Variants in FOXN3 observed in about 807,000 individuals in gnomAD.
FOXN3 encodes forkhead box N3.
A neutral mutation model predicts 38.4 loss-of-function variants in FOXN3; 7 were observed. That is an observed-to-expected ratio of 0.18 (90% CI 0.10 to 0.34). The LOEUF (loss-of-function observed/expected upper bound fraction) is 0.34, where lower values mean the gene tolerates loss of function less well. FOXN3 is among the 10% of genes least tolerant of loss of function. FOXN3 has a pLI of 1.00. For synonymous variants in FOXN3, 230 were observed against 242.2 expected, an observed-to-expected ratio of 0.95 and a Z score of 0.47; for missense variants, 456 against 613.4, an observed-to-expected ratio of 0.74 and a Z score of 2.71.
At chr14:89,348,599 C>T (rs1024894987) in intron 3 of FOXN3, among the ~76,000 whole-genome samples, 5 of 152,174 alleles carry the variant, frequency 3.3e-5, no homozygotes, top group South Asian at 2.1e-4. Flanking sequence ...CTCCCTCCAC[C>T]GCCAGTGACC....
At chr14:89,573,179 C>A (rs1286982487) in intron 1 of FOXN3, among the ~76,000 whole-genome samples, 1 of 152,106 alleles carries the variant, frequency 6.6e-6, no homozygotes, top group African/African-American at 2.4e-5. Flanking sequence ...GTGATCCAGC[C>A]CCGATTAGAT....
At chr14:89,254,091 T>C (rs971044571) in intron 4 of FOXN3, among the ~76,000 whole-genome samples, 3 of 152,302 alleles carry the variant, frequency 2.0e-5, no homozygotes, top group Non-Finnish European at 4.4e-5. Flanking sequence ...CAACATGACA[T>C]GGAGCAGGTA....
chr14:89,314,727 G>A (rs1221784066), intron 3 of FOXN3, among the ~76,000 whole-genome samples: 3 of 152,182 alleles, frequency 2.0e-5, no homozygotes, highest in East Asian at 3.9e-4. Flanking sequence ...ACAGGGTGGT[G>A]TGGAGCTCTG....
chr14:89,520,014 T>C, intron 1 of FOXN3, among the ~76,000 whole-genome samples: 1 of 144,164 alleles, frequency 6.9e-6, no homozygotes, highest in Non-Finnish European at 1.5e-5. Flanking sequence ...TTTTTCTTTT[T>C]TTCTTTTTTT....
At chr14:89,600,992 G>A (rs1453228702) in intron 1 of FOXN3, among the ~76,000 whole-genome samples, 1 of 151,998 alleles carries the variant, frequency 6.6e-6, no homozygotes, top group Non-Finnish European at 1.5e-5. Flanking sequence ...ATAAGTAAAG[G>A]GCTTGCTCTG....
At chr14:89,380,384 T>C (rs764178644) in intron 2 of FOXN3, among the ~76,000 whole-genome samples, 1 of 152,196 alleles carries the variant, frequency 6.6e-6, no homozygotes. Context: ...ATGTCTTTAT[T>C]TGCAGTGTGA....
intron 1 of FOXN3, chr14:89,577,413 A>C (rs889148654): frequency 6.6e-6 from 1 of 152,188 alleles, no homozygotes; most frequent in African/African-American, 2.4e-5. Context: ...GGAAAACCCC[A>C]AAAAGACCAG....
chr14:89,294,541 G>C (rs1022127673), intron 3 of FOXN3, among the ~76,000 whole-genome samples: 1 of 152,158 alleles, frequency 6.6e-6, no homozygotes, highest in African/African-American at 2.4e-5. Context: ...GATGGTGAAG[G>C]CATTCTAAGT....
intron 4 of FOXN3, among the ~76,000 whole-genome samples, chr14:89,218,170 C>A (rs750954294): frequency 2.1e-4 from 32 of 152,326 alleles, no homozygotes; most frequent in Middle Eastern, 3.4e-3. Flanking sequence ...CATGCCTGCA[C>A]CTATCTGTGT....
At chr14:89,262,008 G>A (rs1361329545) in intron 4 of FOXN3, among the ~76,000 whole-genome samples, 1 of 152,172 alleles carries the variant, frequency 6.6e-6, no homozygotes, top group Non-Finnish European at 1.5e-5. Context: ...GAAGGCTGAG[G>A]CAAGAGAATT....
intron 3 of FOXN3, among the ~76,000 whole-genome samples, chr14:89,303,820 A>G (rs75373775): frequency 0.063 from 9,602 of 152,326 alleles, 425 homozygotes; most frequent in Non-Finnish European, 0.081. Flanking sequence ...GGACAGTCCT[A>G]TAATTCACTA....
chr14:89,412,171 G>T lies in FOXN3; in HGVS notation c.306C>A (p.Asp102Glu). The change falls in exon 2 of 6, where the codon GAC (aspartate) becomes GAA (glutamate). Residue 102 changes from aspartate to glutamate, a missense_variant. Physicochemically the swap from Asp to Glu is conservative, Grantham distance 45. Transcript: ENST00000557258. The surrounding 1 kb of genome is among the most constrained non-coding windows in gnomAD (Gnocchi z 4.7). ...DDTPPSPAHSDMPYDARQNPN... is the reference protein window; with the variant it reads ...DDTPPSPAHSEMPYDARQNPN... Reference sequence around the variant, plus strand: ...GGTTCTGCCTGGCATCGTAGGGCATGTCAGAGTGGGCAGGGGATGGGGGGG... The same window carrying T: ...GGTTCTGCCTGGCATCGTAGGGCATTTCAGAGTGGGCAGGGGATGGGGGGG... The T allele has an allele frequency of 6.2e-7, 1 of 1,612,422 alleles. No individual in the cohort carries two copies. The highest frequency in any genetic ancestry group is 1.1e-5 in the South Asian group (1 of 90,998).
intron 3 of FOXN3, among the ~76,000 whole-genome samples, chr14:89,295,014 G>A (rs1169568785): frequency 2.6e-5 from 4 of 152,130 alleles, no homozygotes; most frequent in South Asian, 2.1e-4. Context: ...AGGGCAGGGT[G>A]AGAGCCAATC....
At chr14:89,383,029 G>GTTTTTTTTTTTTTTTTTTTTTT (rs57032907) in intron 2 of FOXN3, among the ~76,000 whole-genome samples, 3 of 92,514 alleles carry the variant, frequency 3.2e-5, no homozygotes, top group African/African-American at 4.1e-5. Context: ...TTTGGGTGGT[G>GTTTTTTTTTTTTTTTTTTTTTT]TTTTTTTTTT....
At chr14:89,556,663 C>G (rs946577749) in intron 1 of FOXN3, among the ~76,000 whole-genome samples, 16 of 152,002 alleles carry the variant, frequency 1.1e-4, no homozygotes, top group African/African-American at 3.4e-4. Flanking sequence ...AAGAATGTAC[C>G]CAAAGGAAGA....
chr14:89,162,686 T>C lies in FOXN3; in HGVS notation c.1135A>G (p.Ser379Gly). ...AGAGAATCCTTGGGCTCCTTCTGGC[T>C]GTGCTTCCTGTCGTCCTCTTCCGTG... is the stretch of plus-strand genomic sequence containing the variant. ...SDTEEDDRKH[S>G]QKEPKDSLGD... The change falls in exon 6 of 6, where the codon AGC becomes GGC. Residue 379 changes from serine to glycine, a missense_variant. Ser to Gly is a moderately conservative substitution (Grantham distance 56). This residue lies in a region of FOXN3 where 386 missense variants were observed against 505.2 expected (regional missense o/e 0.76). Coordinates refer to ENST00000557258, the MANE Select transcript of FOXN3 (RefSeq NM_005197.4). This position sits in a 1 kb window ranked among gnomAD's most constrained non-coding sequence, Gnocchi z 7.2. The C allele has an allele frequency of 6.2e-7, 1 of 1,614,120 alleles. No homozygotes were observed.
intron 2 of FOXN3, among the ~76,000 whole-genome samples, chr14:89,385,666 G>A (rs181285303): frequency 2.2e-4 from 34 of 152,252 alleles, no homozygotes; most frequent in African/African-American, 8.2e-4. Flanking sequence ...AATTAGCCAG[G>A]CATGGTGGCA....
intron 4 of FOXN3, among the ~76,000 whole-genome samples, chr14:89,265,172 T>G (rs114774774): frequency 0.012 from 1,853 of 152,292 alleles, 32 homozygotes; most frequent in African/African-American, 0.042. Context: ...GTTAATAGCT[T>G]TATCAGCTAG....
At chr14:89,282,321 C>T (rs899719912) in intron 3 of FOXN3, among the ~76,000 whole-genome samples, 7 of 152,160 alleles carry the variant, frequency 4.6e-5, no homozygotes, top group African/African-American at 1.4e-4. Context: ...ATTAAATGAG[C>T]ATCACGCATC....
Sources: allele counts gnomAD v4.1 joint callset (sites outside exome capture counted in the v4.1 genomes callset), GRCh38; gene constraint gnomAD v4.1.1; regional missense constraint gnomAD v4.1.1; non-coding constraint Gnocchi (gnomAD v3.1); transcripts MANE v1.5; gene names NCBI Gene and HGNC (gene_info 2026-07-23, HGNC 2026-07-21).